Variants in KL observed in about 807,000 individuals in gnomAD.
The protein encoded by KL is alpha-klotho.
Under a neutral mutation model 84.2 loss-of-function variants are expected in KL, and 62 were observed. That is an observed-to-expected ratio of 0.74 (90% confidence interval 0.60 to 0.91). KL has a LOEUF of 0.91. Among genes scored for constraint, KL ranks in the 40% least tolerant of loss-of-function variants. The pLI is 0.00. For synonymous variants in KL, 528 were observed against 528.0 expected, an observed-to-expected ratio of 1.00 and a Z score of 0.00; for missense variants, 1,261 against 1,305.7, an observed-to-expected ratio of 0.97 and a Z score of 0.53.
chr13:33,024,123 CACATATTT>C (rs1473599893), intron 1 of KL, among the ~76,000 whole-genome samples: 25 of 112,944 alleles, frequency 2.2e-4, no homozygotes, highest in African/African-American at 7.8e-4. Flanking sequence ...AGACATCTTT[CACATATTT>C]GAAAAGACAT....
chr13:33,061,895 A>C, intron 4 of KL, 115 bp downstream of exon 4: 1 of 1,072,220 alleles, frequency 9.3e-7, no homozygotes, highest in South Asian at 1.3e-5. Flanking sequence ...AGGGCTATCC[A>C]TTTTGTGCCT....
In KL at chr13:33,060,763, G is replaced by A; in HGVS notation, c.1684G>A (p.Gly562Arg). The change falls in exon 4 of 5, where the codon GGG (glycine) becomes AGG (arginine). Residue 562 changes from glycine (G) to arginine (R), a missense_variant. Transcript: ENST00000380099. ...HHSKRLIKVDGVVTKKRKSYC... is the reference protein window; with the variant it reads ...HHSKRLIKVDRVVTKKRKSYC... Reference sequence around the variant, plus strand: ...CAGTAAAAGGCTTATTAAAGTGGATGGGGTTGTGACCAAGAAGAGGAAATC... The same window carrying A: ...CAGTAAAAGGCTTATTAAAGTGGATAGGGTTGTGACCAAGAAGAGGAAATC... The A allele has an allele frequency of 6.2e-7, 1 of 1,614,212 alleles. No homozygotes were observed. Among genetic ancestry groups the A allele is most frequent in the East Asian group, 2.2e-5 (1 of 44,886 alleles).
At chr13:33,020,548 A>ACATG (rs1040761075) in intron 1 of KL, among the ~76,000 whole-genome samples, 11 of 74,558 alleles carry the variant, frequency 1.5e-4, no homozygotes, top group African/African-American at 3.6e-4. Context: ...CACATCGAAC[A>ACATG]CATCCCAAAC....
intron 1 of KL, among the ~76,000 whole-genome samples, chr13:33,042,724 A>G (rs1871381381): frequency 6.6e-6 from 1 of 152,170 alleles, no homozygotes; most frequent in African/African-American, 2.4e-5. Flanking sequence ...CTTGTTCCCC[A>G]GGCTGGAGTG....
chr13:33,064,196 T>C lies in KL; in HGVS notation c.*10T>C. ...AAGAAGTTACAAATAGTTCTGAACA[T>C]TTTTCTATTCATTCATTTTGAAATA... On this transcript the variant is annotated 3_prime_UTR_variant, in exon 5 of 5. Transcript: ENST00000380099. The C allele has an allele frequency of 1.9e-6, 3 of 1,561,158 alleles. No individual in the cohort carries two copies. The highest frequency in any genetic ancestry group is 1.8e-6 in the Non-Finnish European group (2 of 1,133,724).
In KL at chr13:33,016,946, G is replaced by T; in HGVS notation, c.506G>T (p.Gly169Val). The T allele has an allele frequency of 5.0e-6, 8 of 1,606,868 alleles. No homozygotes were observed. The highest frequency in any genetic ancestry group is 6.8e-6 in the Non-Finnish European group (8 of 1,178,096). The change falls in exon 1 of 5, where the codon GGG (glycine) becomes GTG (valine). Residue 169 changes from glycine (G) to valine (V), a missense_variant. Physicochemically the swap from Gly to Val is moderately radical, Grantham distance 109 (BLOSUM62 -3). Coordinates refer to ENST00000380099, the MANE Select transcript of KL (RefSeq NM_004795.4). ...NGSAGVPNRE[G>V]LRYYRRLLER... ...AGCGCGGGCGTCCCCAACCGCGAGG[G>T]GCTGCGCTACTACCGGCGCCTGCTG...
intron 1 of KL, among the ~76,000 whole-genome samples, chr13:33,030,899 T>C (rs1870948255): frequency 6.6e-6 from 1 of 152,220 alleles, no homozygotes; most frequent in African/African-American, 2.4e-5. Context: ...AAAGCAATGC[T>C]GTAAAAGTAG....
chr13:33,029,823 C>T lies in KL; in HGVS notation c.819+12564C>T, dbSNP rs186053154. On this transcript the variant is annotated intron_variant, in intron 1 of 4. Coordinates refer to ENST00000380099, the MANE Select transcript of KL (RefSeq NM_004795.4). ...TAATTTTTTGTATTTTTAGTAGAGA[C>T]GGGGTTTCACCGTGTTAGTCGGGAT... Among the ~76,000 whole-genome samples, 212 of 152,134 alleles carry T rather than the reference C, an allele frequency of 1.4e-3. 1 individual carries two copies. Among genetic ancestry groups the T allele is most frequent in the African/African-American group, 4.9e-3 (202 of 41,500 alleles).
rs559876859 is a variant in KL, at chr13:33,033,700, G to A, written c.819+16441G>A. Reference sequence around the variant, plus strand: ...GACTTCCTGTCTCCTGGAGGCCCCCGGAACTAGTCTTCTCTACTTCCAGCA... The same window carrying A: ...GACTTCCTGTCTCCTGGAGGCCCCCAGAACTAGTCTTCTCTACTTCCAGCA... On this transcript the variant is annotated intron_variant, in intron 1 of 4. Coordinates refer to ENST00000380099, the MANE Select transcript of KL (RefSeq NM_004795.4). 1.5e-4 allele frequency among the ~76,000 whole-genome samples: 22 copies of A among 151,130 alleles called. No individual in the cohort carries two copies. In the South Asian group the frequency reaches 1.5e-3, roughly 10 times the overall value.
rs796959893 is a variant in KL at position 33,064,257 on chromosome 13, C to T, written c.*71C>T. The T allele has an allele frequency of 2.6e-6, 3 of 1,150,370 alleles. No individual in the cohort carries two copies. In the East Asian group the frequency reaches 7.1e-5, roughly 27 times the overall value. The allele number at this position is 1,150,370 out of a possible 1,614,324, so 71.3% of individuals were successfully genotyped here. ...CACATCAGCTGTTAACCATTTGCAC[C>T]TCTAAGTGTTGTGAAACTGTAAATT... On this transcript the variant is annotated 3_prime_UTR_variant, in exon 5 of 5. Transcript: ENST00000380099.
At chr13:33,033,277 A>G (rs1360969432) in intron 1 of KL, among the ~76,000 whole-genome samples, 1 of 152,202 alleles carries the variant, frequency 6.6e-6, no homozygotes, top group East Asian at 1.9e-4. Flanking sequence ...GGGAGATGGG[A>G]GAGTGAAAAA....
intron 1 of KL, among the ~76,000 whole-genome samples, chr13:33,052,149 G>T (rs1426803304): frequency 6.6e-6 from 1 of 152,014 alleles, no homozygotes; most frequent in Admixed American, 6.6e-5. Flanking sequence ...GTAGAAATGG[G>T]GTCTCACTCT....
intron 1 of KL, among the ~76,000 whole-genome samples, chr13:33,021,807 A>C (rs1296288455): frequency 6.6e-6 from 1 of 152,152 alleles, no homozygotes; most frequent in African/African-American, 2.4e-5. Context: ...TCGTTTGAAC[A>C]TGGGAGGCAG....
At position 33,017,100 on chromosome 13, in the gene KL, G is replaced by T. The variant is rs767353726; in HGVS notation, c.660G>T (p.Ala220=). Residue 220 remains alanine, a synonymous_variant, in exon 1 of 5, where the codon GCG becomes GCT. Transcript: ENST00000380099. ...TGGCCGACCACTTCAGGGATTACGC[G>T]GAGCTCTGCTTCCGCCACTTCGGCG... ...RALADHFRDY[A]ELCFRHFGGQ... is the part of the protein sequence containing the mutation. 7.5e-6 allele frequency: 12 copies of T among 1,605,378 alleles called. No homozygotes were observed. In the South Asian group the frequency reaches 1.3e-4, roughly 18 times the overall value.
intron 1 of KL, among the ~76,000 whole-genome samples, chr13:33,028,412 A>G (rs1329629239): frequency 6.6e-6 from 1 of 152,122 alleles, no homozygotes; most frequent in African/African-American, 2.4e-5. Flanking sequence ...TCTTCCATAA[A>G]CCCTTTCTCA....
At chr13:33,062,124 A>G (rs1389105328) in intron 4 of KL, among the ~76,000 whole-genome samples, 2 of 152,166 alleles carry the variant, frequency 1.3e-5, no homozygotes, top group African/African-American at 2.4e-5. Flanking sequence ...CACACCTGTA[A>G]TCCCAGCATT....
In KL at chr13:33,016,468, CCGCG is replaced by C; in HGVS notation, c.29_32del (p.Pro10ArgfsTer114). The C allele has an allele frequency of 9.7e-7, 1 of 1,035,836 alleles. No homozygotes were observed. 64.2% of individuals were successfully genotyped at this position (1,035,836 alleles called of 1,614,324 possible). On this transcript the variant is annotated frameshift_variant, in exon 1 of 5. Coordinates refer to ENST00000380099, the MANE Select transcript of KL (RefSeq NM_004795.4). LOFTEE classifies it high-confidence loss of function. ...GCCCGCCAGCGCCCCGCCGCGCCGC[CCGCG>C]GCCGCCGCCGCCGTCGCTGTCGCTG...
chr13:33,061,465 C>G lies in KL; in HGVS notation c.2386C>G (p.Leu796Val), dbSNP rs140954765. 17 of 1,614,160 alleles carry G rather than the reference C, an allele frequency of 1.1e-5. No individual in the cohort carries two copies. In the African/African-American group the frequency reaches 2.0e-4, roughly 19 times the overall value. ...LPYFTEDEKK[L>V]IQGTFDFLAL... ...TTATTTCACTGAAGATGAAAAAAAG[C>G]TAATCCAGGGTACCTTTGACTTTTT... The change falls in exon 4 of 5, where the codon CTA (leucine) becomes GTA (valine). Residue 796 changes from leucine (L) to valine (V), a missense_variant. Coordinates refer to ENST00000380099, the MANE Select transcript of KL (RefSeq NM_004795.4).
At chr13:33,033,464 C>G (rs1013813365) in intron 1 of KL, among the ~76,000 whole-genome samples, 1 of 152,196 alleles carries the variant, frequency 6.6e-6, no homozygotes, top group Non-Finnish European at 1.5e-5. Flanking sequence ...AACTCTGACT[C>G]CTGCCCCGCT....
Sources: allele counts gnomAD v4.1 joint callset (sites outside exome capture counted in the v4.1 genomes callset), GRCh38; gene constraint gnomAD v4.1.1; transcripts MANE v1.5; gene names NCBI Gene and HGNC (gene_info 2026-07-23, HGNC 2026-07-21).